CDKN2A: variants seen among roughly 807,000 people sequenced by gnomAD.
CDKN2A encodes the protein cyclin dependent kinase inhibitor 2A, also known as cyclin-dependent kinase inhibitor 2A.
CDKN2A carries 3 observed loss-of-function variants against 11.1 expected under a neutral mutation model. The ratio of observed to expected loss-of-function variants is 0.27; its 90% CI spans 0.12 to 0.70. The LOEUF (loss-of-function observed/expected upper bound fraction) is 0.70. Ranked by LOEUF, CDKN2A falls within the 30% of genes least tolerant of loss-of-function variation. The pLI is 0.77. For synonymous variants in CDKN2A, 122 were observed against 108.1 expected, an observed-to-expected ratio of 1.13 and a Z score of -0.80; for missense variants, 265 against 233.6, an observed-to-expected ratio of 1.13 and a Z score of -0.88.
chr9:21,968,668 C>G lies in CDKN2A; in HGVS notation c.458-426G>C, dbSNP rs889669305. The G allele has an allele frequency of 5.2e-6, 8 of 1,535,340 alleles. No individual in the cohort carries two copies. Among genetic ancestry groups the G allele is most frequent in the Non-Finnish European group, 5.2e-6 (6 of 1,146,378 alleles). Reference sequence around the variant, plus strand: ...GGTGCGGAGTGAGCCAGCCAGCTTGCGATAACCAAAGGGCGCCTCAGGCTC... The same window carrying G: ...GGTGCGGAGTGAGCCAGCCAGCTTGGGATAACCAAAGGGCGCCTCAGGCTC... On this transcript the variant is annotated intron_variant, in intron 2 of 2. Coordinates refer to ENST00000304494, the MANE Select transcript of CDKN2A (RefSeq NM_000077.5). This position sits in a 1 kb window ranked among gnomAD's most constrained non-coding sequence, Gnocchi z 4.7.
At chr9:21,990,895 A>G (rs540478588) in intron 2 of CDKN2A, among the ~76,000 whole-genome samples, 1 of 152,358 alleles carries the variant, frequency 6.6e-6, no homozygotes, top group Admixed American at 6.5e-5. Context: ...TAGCTGAATG[A>G]AAGTGGATGG....
In CDKN2A at chr9:21,968,756, T is replaced by C. The variant is rs1210653597; in HGVS notation, c.458-514A>G. ...ATGCCTGCTTCTACAAACCCACAAA[T>C]GGTTTCCGATCATTTCTGAAACAAA... On this transcript the variant is annotated intron_variant, in intron 2 of 2. Transcript: ENST00000304494. This position sits in a 1 kb window ranked among gnomAD's most constrained non-coding sequence, Gnocchi z 4.7. 17 of 1,536,126 alleles carry C rather than the reference T, an allele frequency of 1.1e-5. No individual in the cohort carries two copies. The highest frequency in any genetic ancestry group is 1.5e-5 in the Non-Finnish European group (17 of 1,146,902).
At position 21,995,050 on chromosome 9, in the gene CDKN2A, T is replaced by C. The variant is rs1251546330; in HGVS notation, c.-405A>G. On this transcript the variant is annotated 5_prime_UTR_variant, in exon 1 of 4. Coordinates refer to the CDKN2A transcript ENST00000494262. The surrounding 1 kb of genome is among the most constrained non-coding windows in gnomAD (Gnocchi z 5.7). ...AAGCCGCTCCGCTCCTCTTCTAGAT[T>C]TGGAAAACAAGCGAAATTAAACTAA... 3 of 152,204 alleles carry C rather than the reference T, an allele frequency of 2.0e-5. No individual in the cohort carries two copies. The highest frequency in any genetic ancestry group is 4.4e-5 in the Non-Finnish European group (3 of 68,052). 9.4% of individuals were successfully genotyped at this position (152,204 alleles called of 1,614,324 possible). A position where few individuals can be genotyped will look rare whatever the true frequency, so the allele number is the denominator to read the frequency against.
chr9:21,971,149 GGGCTCCGCGCCGTGGAGCA>G lies in CDKN2A; in HGVS notation c.191_209del (p.Leu64ProfsTer76), dbSNP rs1563889784. 1 of 1,594,112 alleles carries G rather than the reference GGGCTCCGCGCCGTGGAGCA, an allele frequency of 6.3e-7. No homozygotes were observed. Among genetic ancestry groups the G allele is most frequent in the Admixed American group, 1.7e-5 (1 of 59,156 alleles). On this transcript the variant is annotated frameshift_variant, in exon 2 of 3. Transcript: ENST00000304494. LOFTEE classifies it high-confidence loss of function. ...TGAGAGTGGCGGGGTCGGCGCAGTTGGGCTCCGCGCCGTGGAGCAGCAGCAGCTCCGCCACTCGGGCGCT... is the reference window on the plus strand; with the variant it reads ...TGAGAGTGGCGGGGTCGGCGCAGTTGGCAGCAGCTCCGCCACTCGGGCGCT...
intron 2 of CDKN2A, among the ~76,000 whole-genome samples, chr9:21,983,837 C>T (rs527249021): frequency 6.6e-6 from 1 of 152,098 alleles, no homozygotes; most frequent in Non-Finnish European, 1.5e-5. Context: ...GACACATATG[C>T]AAGTGGGACA....
At chr9:21,979,696 C>T (rs944483117), upstream of CDKN2A, among the ~76,000 whole-genome samples, 12 of 152,074 alleles carry the variant, frequency 7.9e-5, no homozygotes, top group Non-Finnish European at 1.6e-4. Context: ...GTTTGAGAAT[C>T]GTAAAGGTTT....
chr9:21,986,277 G>A (rs1303952539), intron 2 of CDKN2A, among the ~76,000 whole-genome samples: 1 of 151,940 alleles, frequency 6.6e-6, no homozygotes, highest in Non-Finnish European at 1.5e-5. Context: ...TTTAAATTAA[G>A]GTAGGAATAA....
Position 21,974,778 on chromosome 9 carries a change from G to A in CDKN2A, c.50C>T (p.Ala17Val), listed in dbSNP as rs751809654. Residue 17 changes from alanine (A) to valine (V), a missense_variant, in exon 1 of 3, where the codon GCC becomes GTC. Ala to Val is a moderately conservative substitution (Grantham distance 64, BLOSUM62 0). Transcript: ENST00000304494. This position sits in a 1 kb window ranked among gnomAD's most constrained non-coding sequence, Gnocchi z 5.2. ...TACCCGACCCCGGGCCGCGGCCGTGGCCAGCCAGTCAGCCGAAGGCTCCAT... is the reference window on the plus strand; with the variant it reads ...TACCCGACCCCGGGCCGCGGCCGTGACCAGCCAGTCAGCCGAAGGCTCCAT... The part of the protein sequence containing the change: ...SSMEPSADWL[A>V]TAAARGRVEE... 1 of 1,605,180 alleles carries A rather than the reference G, an allele frequency of 6.2e-7. No individual in the cohort carries two copies.
At position 21,968,321 on chromosome 9, in the gene CDKN2A, C is replaced by G. The variant is rs975237817; in HGVS notation, c.458-79G>C. ...GGCACATCCCGCCCTCCTCTCTTGC[C>G]GTCCCTACCGGCATTGAAATACTTA... On this transcript the variant is annotated intron_variant, in intron 2 of 2. Transcript: ENST00000304494. The surrounding 1 kb of genome is among the most constrained non-coding windows in gnomAD (Gnocchi z 4.7). 2 of 1,567,474 alleles carry G rather than the reference C, an allele frequency of 1.3e-6. No homozygotes were observed. Among genetic ancestry groups the G allele is most frequent in the Non-Finnish European group, 8.8e-7 (1 of 1,139,710 alleles).
At chr9:21,975,928 G>C (rs1454394704), upstream of CDKN2A, among the ~76,000 whole-genome samples, 2 of 152,172 alleles carry the variant, frequency 1.3e-5, no homozygotes, top group Non-Finnish European at 2.9e-5. Flanking sequence ...GGGAATATGA[G>C]TGCCCCCTGC....
At chr9:21,981,162 A>ATATATATATATACGTG (rs1820189848) in intron 2 of CDKN2A, among the ~76,000 whole-genome samples, 1 of 3,932 alleles carries the variant, frequency 2.5e-4, no homozygotes, top group African/African-American at 5.3e-4. Flanking sequence ...ATATACGTGT[A>ATATATATATATACGTG]TATATATATA....
At chr9:21,972,520 T>C (rs1489530453) in intron 1 of CDKN2A, among the ~76,000 whole-genome samples, 5 of 152,180 alleles carry the variant, frequency 3.3e-5, no homozygotes. Context: ...AGGAAACAGA[T>C]TGCCCCTTAG....
At chr9:21,990,264 G>A (rs1301806063) in intron 2 of CDKN2A, among the ~76,000 whole-genome samples, 1 of 152,116 alleles carries the variant, frequency 6.6e-6, no homozygotes, top group Non-Finnish European at 1.5e-5. Flanking sequence ...GGATTTATGG[G>A]TTTTAAAATG....
Position 21,974,538 on chromosome 9 carries a change from C to T in CDKN2A, c.150+140G>A. ...GTCGCCAGGAGGAGGTCTGTGATTA[C>T]AAACCCCTTCTGAAAACTCCCCAGG... On this transcript the variant is annotated intron_variant, in intron 1 of 2. Coordinates refer to ENST00000304494, the MANE Select transcript of CDKN2A (RefSeq NM_000077.5). The surrounding 1 kb of genome is among the most constrained non-coding windows in gnomAD (Gnocchi z 5.2). 1.2e-6 allele frequency: 2 copies of T among 1,613,332 alleles called. No individual in the cohort carries two copies. The highest frequency in any genetic ancestry group is 1.7e-6 in the Non-Finnish European group (2 of 1,179,966).
Position 21,971,120 on chromosome 9 carries a change from C to T in CDKN2A, c.239G>A (p.Arg80Gln), listed in dbSNP as rs1057519883. ...PNCADPATLT[R>Q]PVHDAAREGF... ...CTCCCGGGCAGCGTCGTGCACGGGTCGGGTGAGAGTGGCGGGGTCGGCGCA... is the reference window on the plus strand; with the variant it reads ...CTCCCGGGCAGCGTCGTGCACGGGTTGGGTGAGAGTGGCGGGGTCGGCGCA... The change falls in exon 2 of 3, where the codon CGA becomes CAA. Residue 80 changes from arginine (R) to glutamine (Q), a missense_variant. Physicochemically the swap from Arg to Gln is conservative, Grantham distance 43 (BLOSUM62 1). Transcript: ENST00000304494. 6 of 1,604,040 alleles carry T rather than the reference C, an allele frequency of 3.7e-6. No individual in the cohort carries two copies. Among genetic ancestry groups the T allele is most frequent in the African/African-American group, 2.7e-5 (2 of 75,010 alleles).
chr9:21,994,798 T>G (rs966363597), intron 1 of CDKN2A: 4 of 161,946 alleles, frequency 2.5e-5, no homozygotes, highest in East Asian at 1.7e-4. Flanking sequence ...CCTAGCTACA[T>G]CCGTCACCTG....
intron 1 of CDKN2A, 92 bp from the exon 2 acceptor site, chr9:21,971,300 C>A (rs1338483675): frequency 6.5e-7 from 1 of 1,535,264 alleles, no homozygotes; most frequent in Non-Finnish European, 8.7e-7. Context: ...CCAAGCAGAC[C>A]CCCACACAAG....
In CDKN2A at chr9:21,971,208, C is replaced by T. The variant is rs762630679; in HGVS notation, c.151G>A (p.Val51Ile). ...ACTCGGGCGCTGCCCATCATCATGA[C>T]CTGCCAGAGAGAACAGAATGGTCAG... The part of the protein sequence containing the change: ...PNSYGRRPIQ[V>I]MMMGSARVAE... The change falls in exon 2 of 3, where the codon GTC becomes ATC. Residue 51 changes from valine to isoleucine, a missense_variant and splice_region_variant. By Grantham distance (29) the Val-to-Ile change is conservative. Transcript: ENST00000304494. 7 of 1,597,372 alleles carry T rather than the reference C, an allele frequency of 4.4e-6. No homozygotes were observed. In the African/African-American group the frequency reaches 9.4e-5, roughly 21 times the overall value.
intron 2 of CDKN2A, among the ~76,000 whole-genome samples, chr9:21,980,101 C>G (rs1413853309): frequency 1.3e-5 from 2 of 152,188 alleles, no homozygotes; most frequent in Non-Finnish European, 2.9e-5. Flanking sequence ...TAGCTCTACA[C>G]TGAGACCAAG....
Sources: allele counts gnomAD v4.1 joint callset (sites outside exome capture counted in the v4.1 genomes callset), GRCh38; gene constraint gnomAD v4.1.1; non-coding constraint Gnocchi (gnomAD v3.1); transcripts MANE v1.5; gene names NCBI Gene and HGNC (gene_info 2026-07-23, HGNC 2026-07-21).